Variants in GPT2 observed in about 807,000 individuals in gnomAD.
GPT2 encodes the protein alanine aminotransferase 2.
GPT2 carries 30 observed loss-of-function variants against 56.9 expected under a neutral mutation model. That is an observed-to-expected ratio of 0.53 (90% confidence interval 0.39 to 0.72). The LOEUF is 0.72. GPT2 is among the 30% of genes least tolerant of loss of function. The pLI, the probability that GPT2 is intolerant of heterozygous loss-of-function variation, is 0.00. For missense variants in GPT2, 542 were observed against 703.4 expected, an observed-to-expected ratio of 0.77 and a Z score of 2.60; for synonymous variants, 271 against 283.1, an observed-to-expected ratio of 0.96 and a Z score of 0.43.
intron 2 of GPT2, among the ~76,000 whole-genome samples, chr16:46,893,934 A>T (rs1248434380): frequency 1.3e-5 from 2 of 152,016 alleles, no homozygotes; most frequent in East Asian, 3.9e-4. Flanking sequence ...TGGACCAGTC[A>T]CTCTGGGAGT....
chr16:46,887,471 A>G (rs959457849), intron 2 of GPT2, among the ~76,000 whole-genome samples: 32 of 152,170 alleles, frequency 2.1e-4, no homozygotes, highest in Admixed American at 2.0e-3. Context: ...ATCTCAAAAA[A>G]CAAACAAAAA....
intron 6 of GPT2, among the ~76,000 whole-genome samples, chr16:46,914,221 A>G (rs1041213126): frequency 6.6e-5 from 10 of 152,136 alleles, no homozygotes; most frequent in Non-Finnish European, 1.2e-4. Context: ...ATGGATCACT[A>G]TCTTGCTGTT....
At chr16:46,900,605 C>G (rs1480090801) in intron 3 of GPT2, 77 bp from the exon 4 acceptor site, 1 of 1,121,516 alleles carries the variant, frequency 8.9e-7, no homozygotes, top group East Asian at 2.4e-5. Context: ...CTGTCATCCT[C>G]CCAGTGGCCT....
intron 11 of GPT2, among the ~76,000 whole-genome samples, chr16:46,927,926 G>T (rs573316466): frequency 6.6e-6 from 1 of 152,258 alleles, no homozygotes; most frequent in Admixed American, 6.5e-5. Flanking sequence ...TGACTGGAGG[G>T]TGTCTCACTG....
rs1396056593 is a variant in GPT2 at position 46,926,921 on chromosome 16, A to C, written c.1369-4A>C. ...ATGATCATGAGCTCTGTCTGCTCCC[A>C]TAGGCCCATCAAATGGCTCCAGACA... On this transcript the variant is annotated splice_region_variant and splice_polypyrimidine_tract_variant and intron_variant, in intron 10 of 11. Coordinates refer to ENST00000340124, the MANE Select transcript of GPT2 (RefSeq NM_133443.4). 7 of 1,564,036 alleles carry C rather than the reference A, an allele frequency of 4.5e-6. No homozygotes were observed. Among genetic ancestry groups the C allele is most frequent in the Non-Finnish European group, 6.1e-6 (7 of 1,156,484 alleles).
At chr16:46,928,528 C>G (rs571878333) in intron 11 of GPT2, among the ~76,000 whole-genome samples, 1 of 151,024 alleles carries the variant, frequency 6.6e-6, no homozygotes, top group Admixed American at 6.6e-5. Context: ...GAGGCTGAGG[C>G]AGGACAATTG....
At chr16:46,903,688 A>T (rs1225146315) in intron 4 of GPT2, among the ~76,000 whole-genome samples, 1 of 152,066 alleles carries the variant, frequency 6.6e-6, no homozygotes, top group Non-Finnish European at 1.5e-5. Flanking sequence ...AAAACCTAGC[A>T]CCTGCCTGGG....
At chr16:46,928,748 G>A (rs1229181153) in intron 11 of GPT2, among the ~76,000 whole-genome samples, 159 bp from the exon 12 acceptor site, 2 of 152,200 alleles carry the variant, frequency 1.3e-5, no homozygotes, top group African/African-American at 4.8e-5. Flanking sequence ...GTGAATGAAG[G>A]GGAAAGTGGT....
In GPT2 at chr16:46,916,676, G is replaced by C. The variant is rs1567341381; in HGVS notation, c.869G>C (p.Trp290Ser). ...KCIEDVIHFA[W>S]EEKLFLLADE... ...ATAGAAGATGTGATCCACTTTGCCT[G>C]GGAAGAGAAGCTCTTTCTCCTGGCT... The change falls in exon 7 of 12, where the codon TGG (tryptophan) becomes TCG (serine). Residue 290 changes from tryptophan (W) to serine (S), a missense_variant. By Grantham distance (177) the Trp-to-Ser change is radical. Coordinates refer to ENST00000340124, the MANE Select transcript of GPT2 (RefSeq NM_133443.4). The C allele has an allele frequency of 6.2e-7, 1 of 1,613,790 alleles. No homozygotes were observed. The highest frequency in any genetic ancestry group is 8.5e-7 in the Non-Finnish European group (1 of 1,179,796).
Position 46,904,329 on chromosome 16 carries a change from C to T in GPT2, c.443-2513C>T, listed in dbSNP as rs187413776. ...GGGAGGCTGAGGTGGGAGAATTGCTCGAGCCCAGGAGTTCAAGGCTGCAGT... is the reference window on the plus strand; with the variant it reads ...GGGAGGCTGAGGTGGGAGAATTGCTTGAGCCCAGGAGTTCAAGGCTGCAGT... On this transcript the variant is annotated intron_variant, in intron 4 of 11. Coordinates refer to ENST00000340124, the MANE Select transcript of GPT2 (RefSeq NM_133443.4). Among the ~76,000 whole-genome samples the T allele has an allele frequency of 1.2e-3, 182 of 152,210 alleles. 1 individual carries two copies. The highest frequency in any genetic ancestry group is 3.4e-3 in the Middle Eastern group (1 of 294).
At chr16:46,927,137 C>A in intron 11 of GPT2, 100 bp downstream of exon 11, 1 of 684,944 alleles carries the variant, frequency 1.5e-6, no homozygotes, top group Non-Finnish European at 2.4e-6. Flanking sequence ...GAGAGAGGTG[C>A]GGAGACCCTG....
intron 3 of GPT2, among the ~76,000 whole-genome samples, chr16:46,898,947 C>CACAT (rs1960749118): frequency 2.9e-5 from 4 of 136,572 alleles, no homozygotes; most frequent in Admixed American, 7.4e-5. Flanking sequence ...TATACACACA[C>CACAT]ATATATGTGT....
At chr16:46,907,094 C>A in intron 5 of GPT2, 119 bp downstream of exon 5, 2 of 1,325,368 alleles carry the variant, frequency 1.5e-6, no homozygotes, top group Non-Finnish European at 1.1e-6. Context: ...GGTGGCCACC[C>A]TCTGGTCCCC....
intron 4 of GPT2, among the ~76,000 whole-genome samples, chr16:46,902,555 T>C (rs1188359559): frequency 1.3e-5 from 2 of 152,168 alleles, no homozygotes; most frequent in East Asian, 3.9e-4. Flanking sequence ...CATGTCACTA[T>C]GCTCCATGGC....
intron 2 of GPT2, among the ~76,000 whole-genome samples, chr16:46,894,360 C>T (rs1960644014): frequency 6.6e-6 from 1 of 152,228 alleles, no homozygotes; most frequent in South Asian, 2.1e-4. Context: ...GCTGTATCCA[C>T]ATCCCAGAAA....
intron 5 of GPT2, among the ~76,000 whole-genome samples, chr16:46,909,161 C>T (rs1292525588): frequency 1.3e-5 from 2 of 152,110 alleles, no homozygotes; most frequent in Non-Finnish European, 2.9e-5. Context: ...AACACACATT[C>T]CTGGGCCCCA....
intron 2 of GPT2, among the ~76,000 whole-genome samples, chr16:46,895,253 G>A (rs1960664630): frequency 6.6e-6 from 1 of 152,082 alleles, no homozygotes; most frequent in Admixed American, 6.5e-5. Flanking sequence ...GGCCAGGCGA[G>A]GTGGCTCACA....
At chr16:46,910,361 A>G (rs1961023014) in intron 6 of GPT2, among the ~76,000 whole-genome samples, 1 of 133,716 alleles carries the variant, frequency 7.5e-6, no homozygotes, top group Non-Finnish European at 1.6e-5. Flanking sequence ...AGCCTGGGTG[A>G]CAGAGCGAGA....
chr16:46,911,444 G>A (rs1961045166), intron 6 of GPT2, among the ~76,000 whole-genome samples: 1 of 152,242 alleles, frequency 6.6e-6, no homozygotes, highest in Admixed American at 6.5e-5. Context: ...GAAAATGGGT[G>A]CAGCTGGCGA....
Sources: gnomAD v4.1 joint callset for allele counts (sites outside exome capture counted in the v4.1 genomes callset) on GRCh38, gnomAD v4.1.1 for gene constraint, MANE v1.5 for transcripts, NCBI Gene and HGNC (gene_info 2026-07-23, HGNC 2026-07-21) for gene names.